THADA: variants seen among roughly 807,000 people sequenced by gnomAD.
The protein encoded by THADA is tRNA (32-2'-O)-methyltransferase regulator THADA.
A neutral mutation model predicts 219.8 loss-of-function variants in THADA; 213 were observed. The observed-to-expected ratio is 0.97, with a 90% CI of 0.87 to 1.09. The LOEUF (loss-of-function observed/expected upper bound fraction) is 1.09, where lower values mean the gene tolerates loss of function less well. THADA is among the 50% of genes least tolerant of loss of function. THADA has a pLI of 0.00. For missense variants in THADA, 2,956 were observed against 2,311.3 expected, an observed-to-expected ratio of 1.28 and a Z score of -5.72; for synonymous variants, 1,018 against 828.9, an observed-to-expected ratio of 1.23 and a Z score of -3.92.
At chr2:43,566,517 A>G in intron 15 of THADA, 181 bp downstream of exon 15, 1 of 751,924 alleles carries the variant, frequency 1.3e-6, no homozygotes, top group Non-Finnish European at 2.4e-6. Context: ...AAAGGGAGAT[A>G]GTTTCTTCCT....
chr2:43,300,081 G>A (rs1324688760), intron 31 of THADA, among the ~76,000 whole-genome samples: 1 of 148,466 alleles, frequency 6.7e-6, no homozygotes. Flanking sequence ...TACATGTCAT[G>A]TACTATTCTG....
At chr2:43,293,579 C>T (rs1675004045) in intron 31 of THADA, among the ~76,000 whole-genome samples, 2 of 152,160 alleles carry the variant, frequency 1.3e-5, no homozygotes, top group Admixed American at 6.5e-5. Flanking sequence ...TGAAGCTCCC[C>T]TCTGTAACAC....
intron 29 of THADA, among the ~76,000 whole-genome samples, chr2:43,349,437 C>T (rs1466685068): frequency 6.6e-6 from 1 of 152,092 alleles, no homozygotes; most frequent in Non-Finnish European, 1.5e-5. Flanking sequence ...TGAGGCAGTT[C>T]CCTGAAAAAA....
At chr2:43,507,096 C>G (rs527905657) in intron 23 of THADA, among the ~76,000 whole-genome samples, 2 of 152,112 alleles carry the variant, frequency 1.3e-5, no homozygotes, top group South Asian at 4.1e-4. Context: ...TCCACCAAAA[C>G]AGGAATATAA....
chr2:43,575,435 G>A (rs1360133292), intron 10 of THADA, among the ~76,000 whole-genome samples: 2 of 152,160 alleles, frequency 1.3e-5, no homozygotes, highest in African/African-American at 2.4e-5. Flanking sequence ...GTGACAAAGC[G>A]AGACTTTGTC....
chr2:43,498,201 G>A (rs190668960), intron 25 of THADA, among the ~76,000 whole-genome samples: 3 of 152,162 alleles, frequency 2.0e-5, no homozygotes, highest in East Asian at 3.9e-4. Context: ...AGACAGAAAG[G>A]AGAATAGAGG....
chr2:43,239,372 C>T (rs1177310202), intron 36 of THADA, among the ~76,000 whole-genome samples: 2 of 152,194 alleles, frequency 1.3e-5, no homozygotes, highest in East Asian at 1.9e-4. Flanking sequence ...CATCCCCCGC[C>T]CCCCAACAGG....
chr2:43,300,841 C>T (rs925283233), intron 31 of THADA, among the ~76,000 whole-genome samples: 1 of 152,154 alleles, frequency 6.6e-6, no homozygotes, highest in Non-Finnish European at 1.5e-5. Context: ...GGAGATGCCC[C>T]GAAGGGCTTG....
At chr2:43,334,307 G>A in intron 30 of THADA, among the ~76,000 whole-genome samples, 1 of 152,072 alleles carries the variant, frequency 6.6e-6, no homozygotes, top group Non-Finnish European at 1.5e-5. Context: ...GGCACATGGA[G>A]GACTGCATGG....
chr2:43,419,877 G>T (rs1432764943), intron 28 of THADA, among the ~76,000 whole-genome samples: 2 of 152,110 alleles, frequency 1.3e-5, no homozygotes, highest in South Asian at 2.1e-4. Flanking sequence ...CAACACTCAG[G>T]ACAAATACTG....
chr2:43,354,300 G>C (rs989323554), intron 29 of THADA, among the ~76,000 whole-genome samples: 1 of 151,890 alleles, frequency 6.6e-6, no homozygotes, highest in Non-Finnish European at 1.5e-5. Context: ...TATATTTATA[G>C]GGTACATAAG....
intron 28 of THADA, among the ~76,000 whole-genome samples, chr2:43,424,544 G>C (rs11124933): frequency 0.21 from 32,115 of 152,138 alleles, 3,628 homozygotes; most frequent in Non-Finnish European, 0.26. Context: ...AGAACCACAA[G>C]CACTGCCTGG....
At chr2:43,445,215 G>A (rs1013534060) in intron 26 of THADA, among the ~76,000 whole-genome samples, 5 of 152,110 alleles carry the variant, frequency 3.3e-5, no homozygotes, top group South Asian at 2.1e-4. Context: ...GGAAACAAAC[G>A]TACAAAGAAG....
intron 30 of THADA, among the ~76,000 whole-genome samples, chr2:43,328,464 C>T (rs1156700131): frequency 6.6e-6 from 1 of 152,210 alleles, no homozygotes; most frequent in Non-Finnish European, 1.5e-5. Flanking sequence ...TGCTGCCCCA[C>T]AGCCCTCCTA....
intron 29 of THADA, among the ~76,000 whole-genome samples, chr2:43,382,367 T>A (rs1183322216): frequency 6.6e-6 from 1 of 152,176 alleles, no homozygotes; most frequent in African/African-American, 2.4e-5. Context: ...AACTTTTCAG[T>A]ATATATAAAA....
chr2:43,306,570 T>C (rs938040733), intron 31 of THADA, among the ~76,000 whole-genome samples: 3 of 152,128 alleles, frequency 2.0e-5, no homozygotes, highest in African/African-American at 2.4e-5. Flanking sequence ...CCCTTGCTAG[T>C]GCTACAATTT....
chr2:43,275,025 C>T (rs1191629601), intron 36 of THADA, among the ~76,000 whole-genome samples: 1 of 134,548 alleles, frequency 7.4e-6, no homozygotes, highest in Non-Finnish European at 1.6e-5. Flanking sequence ...GAGGGAGTCT[C>T]ACTCTGTTGC....
chr2:43,278,784 C>G (rs1220250900), intron 36 of THADA, among the ~76,000 whole-genome samples: 1 of 152,188 alleles, frequency 6.6e-6, no homozygotes, highest in East Asian at 1.9e-4. Context: ...AATCCTGTGT[C>G]CTGCCTTGGC....
chr2:43,555,073 G>A (rs1448931931), intron 17 of THADA, among the ~76,000 whole-genome samples: 1 of 151,994 alleles, frequency 6.6e-6, no homozygotes, highest in Admixed American at 6.6e-5. Context: ...ACATAAGAAT[G>A]TTTACACTGG....
Sources: gnomAD v4.1 joint callset for allele counts (sites outside exome capture counted in the v4.1 genomes callset) on GRCh38, gnomAD v4.1.1 for gene constraint, MANE v1.5 for transcripts, NCBI Gene and HGNC (gene_info 2026-07-23, HGNC 2026-07-21) for gene names.